AGBL1: variants seen among roughly 807,000 people sequenced by gnomAD.
AGBL1 encodes the protein AGBL carboxypeptidase 1, also known as cytosolic carboxypeptidase 4.
Under a neutral mutation model 118.9 loss-of-function variants are expected in AGBL1, and 130 were observed. That is an observed-to-expected ratio of 1.09 (90% CI 0.95 to 1.26). The LOEUF (loss-of-function observed/expected upper bound fraction) is 1.26. Among genes scored for constraint, AGBL1 ranks in the 50% most tolerant of loss-of-function variants. The probability of loss-of-function intolerance (pLI) is 0.00; values close to 1 mark genes in which losing one functional copy is unlikely to be tolerated. For missense variants in AGBL1, 1,584 were observed against 1,298.1 expected (o/e 1.22, Z -3.38); for synonymous variants, 555 against 478.9 (o/e 1.16, Z -2.08).
intron 21 of AGBL1, among the ~76,000 whole-genome samples, chr15:86,646,521 G>C (rs1468399591): frequency 6.6e-6 from 1 of 152,140 alleles, no homozygotes; most frequent in Non-Finnish European, 1.5e-5. Context: ...TGAGAGGAAA[G>C]GGATGTGTCT....
At chr15:86,522,980 C>A in intron 19 of AGBL1, 41 bp downstream of exon 19, 1 of 1,593,066 alleles carries the variant, frequency 6.3e-7, no homozygotes, top group Non-Finnish European at 8.6e-7. Context: ...TGGCTGCTTC[C>A]TTCTACCTTC....
chr15:86,776,277 G>T (rs2078254379), intron 22 of AGBL1, among the ~76,000 whole-genome samples: 1 of 152,090 alleles, frequency 6.6e-6, no homozygotes, highest in Admixed American at 6.6e-5. Context: ...CTCTATGTCA[G>T]CAATTGAGAA....
intron 24 of AGBL1, among the ~76,000 whole-genome samples, chr15:86,991,504 A>G (rs1259495167): frequency 6.6e-6 from 1 of 152,140 alleles, no homozygotes; most frequent in Non-Finnish European, 1.5e-5. Context: ...CCAAAGTATG[A>G]GAGATCAAGT....
intron 22 of AGBL1, among the ~76,000 whole-genome samples, chr15:86,737,116 A>T (rs2077613520): frequency 6.6e-6 from 1 of 152,332 alleles, no homozygotes; most frequent in Non-Finnish European, 1.5e-5. Flanking sequence ...GATAGAGAAG[A>T]CAAAAACATA....
chr15:86,744,543 C>A (rs2077725454), intron 22 of AGBL1, among the ~76,000 whole-genome samples: 1 of 152,026 alleles, frequency 6.6e-6, no homozygotes, highest in African/African-American at 2.4e-5. Context: ...ACAGTGGAGT[C>A]CAAGACCATC....
chr15:86,955,952 A>G (rs1256944476), intron 23 of AGBL1, among the ~76,000 whole-genome samples: 1 of 152,132 alleles, frequency 6.6e-6, no homozygotes, highest in Non-Finnish European at 1.5e-5. Flanking sequence ...AGGGTTTTAC[A>G]AAATAGTCTA....
chr15:86,805,135 C>A (rs2078698955), intron 22 of AGBL1, among the ~76,000 whole-genome samples: 1 of 151,614 alleles, frequency 6.6e-6, no homozygotes, highest in East Asian at 1.9e-4. Context: ...CACCCATGGG[C>A]CAATGACAAA....
At chr15:86,103,127 T>C (rs1896832668) in intron 1 of AGBL1, among the ~76,000 whole-genome samples, 1 of 152,166 alleles carries the variant, frequency 6.6e-6, no homozygotes, top group Admixed American at 6.5e-5. Context: ...AAATTATTCA[T>C]TTCCAGGATT....
At chr15:86,521,659 G>C (rs1044813143) in intron 18 of AGBL1, among the ~76,000 whole-genome samples, 1 of 152,134 alleles carries the variant, frequency 6.6e-6, no homozygotes, top group African/African-American at 2.4e-5. Flanking sequence ...CCCCAGCCAA[G>C]ACCTATGTAT....
At chr15:86,230,052 T>C (rs901596395) in intron 6 of AGBL1, among the ~76,000 whole-genome samples, 4 of 151,750 alleles carry the variant, frequency 2.6e-5, no homozygotes, top group Non-Finnish European at 5.9e-5. Context: ...GAGGGAGAGA[T>C]GTAAAAGAGC....
chr15:86,514,410 T>C (rs996570410), intron 18 of AGBL1, among the ~76,000 whole-genome samples: 1 of 152,154 alleles, frequency 6.6e-6, no homozygotes, highest in Admixed American at 6.5e-5. Flanking sequence ...TGTGTATTGT[T>C]CTTTTTATCC....
At chr15:86,748,119 T>G (rs1327135501) in intron 22 of AGBL1, among the ~76,000 whole-genome samples, 1 of 152,188 alleles carries the variant, frequency 6.6e-6, no homozygotes, top group African/African-American at 2.4e-5. Flanking sequence ...TTCCTATTTC[T>G]CCACATCCTC....
intron 22 of AGBL1, among the ~76,000 whole-genome samples, chr15:86,738,383 A>C (rs2077631126): frequency 6.6e-6 from 1 of 151,976 alleles, no homozygotes; most frequent in Admixed American, 6.6e-5. Context: ...AGCCATAGCA[A>C]TCAGGCAAGA....
chr15:86,813,422 G>C (rs942978892), intron 22 of AGBL1, among the ~76,000 whole-genome samples: 4 of 152,124 alleles, frequency 2.6e-5, no homozygotes, highest in Non-Finnish European at 5.9e-5. Flanking sequence ...GACAAAAAGT[G>C]CCTCTATCAC....
rs369520232 is a variant in AGBL1, at chr15:86,223,333, C to T, written c.489-1581C>T. ...TGCTTGGGACATCCTTATTCTATTC[C>T]TGTTTCTGTGGTTTCCTTCTTCTCT... On this transcript the variant is annotated intron_variant, in intron 5 of 22. Coordinates refer to ENST00000614907, the MANE Select transcript of AGBL1 (RefSeq NM_001386094.1). Among the ~76,000 whole-genome samples the T allele has an allele frequency of 1.5e-3, 227 of 152,234 alleles. 3 individuals are homozygous for T. The South Asian group carries it at 0.045, about 30-fold the overall frequency.
intron 24 of AGBL1, among the ~76,000 whole-genome samples, chr15:86,993,008 T>C (rs2081348451): frequency 6.6e-6 from 1 of 152,158 alleles, no homozygotes; most frequent in Non-Finnish European, 1.5e-5. Flanking sequence ...GCAGAGGTCC[T>C]CAATCTAACT....
intron 18 of AGBL1, among the ~76,000 whole-genome samples, chr15:86,512,330 G>A (rs1042749597): frequency 4.6e-5 from 7 of 151,728 alleles, no homozygotes; most frequent in African/African-American, 1.5e-4. Context: ...ATATTTCCTA[G>A]GTTCTTGAAT....
chr15:86,363,134 A>G (rs2080831304), intron 17 of AGBL1, among the ~76,000 whole-genome samples: 2 of 151,540 alleles, frequency 1.3e-5, no homozygotes, highest in East Asian at 1.9e-4. Context: ...CTCAAAGGGG[A>G]TCTCCTTGGT....
At chr15:86,964,189 G>A (rs930704390) in intron 23 of AGBL1, among the ~76,000 whole-genome samples, 1 of 151,982 alleles carries the variant, frequency 6.6e-6, no homozygotes, top group African/African-American at 2.4e-5. Context: ...GGTTCTGCCT[G>A]ACTGTAAAAC....
Sources: allele counts gnomAD v4.1 joint callset (sites outside exome capture counted in the v4.1 genomes callset), GRCh38; gene constraint gnomAD v4.1.1; transcripts MANE v1.5; gene names NCBI Gene and HGNC (gene_info 2026-07-23, HGNC 2026-07-21).